The following MAPT variants were observed in gnomAD, a reference collection of about 807,000 sequenced individuals.
MAPT encodes microtubule associated protein tau.
A neutral mutation model predicts 67.9 loss-of-function variants in MAPT; 34 were observed. That is an observed-to-expected ratio of 0.50 (90% CI 0.38 to 0.67). The LOEUF (loss-of-function observed/expected upper bound fraction) is 0.67. MAPT is among the 30% of genes least tolerant of loss of function. The pLI is 0.00. For missense variants in MAPT, 881 were observed against 1,115.2 expected (o/e 0.79, Z 2.99); for synonymous variants, 456 against 464.5 (o/e 0.98, Z 0.23).
chr17:46,014,860 G>A (rs1212095396), intron 11 of MAPT, among the ~76,000 whole-genome samples: 1 of 143,004 alleles, frequency 7.0e-6, no homozygotes, highest in Non-Finnish European at 1.6e-5. Flanking sequence ...TCCAGCCTGG[G>A]CGACAGAGCG....
At chr17:45,997,569 C>T (rs536129506) in intron 9 of MAPT, among the ~76,000 whole-genome samples, 1 of 152,128 alleles carries the variant, frequency 6.6e-6, no homozygotes, top group Admixed American at 6.5e-5. Context: ...ACCAACCTGA[C>T]CAACAGGGTG....
chr17:45,924,735 A>G (rs1361922075), intron 1 of MAPT, among the ~76,000 whole-genome samples: 1 of 152,354 alleles, frequency 6.6e-6, no homozygotes, highest in Non-Finnish European at 1.5e-5. Flanking sequence ...AACTATCCCA[A>G]TGGCCTGACA....
In MAPT at chr17:46,013,753, T is replaced by C. The variant is rs1386368601; in HGVS notation, c.2092-490T>C. 2.0e-5 allele frequency among the ~76,000 whole-genome samples: 3 copies of C among 152,184 alleles called. No individual in the cohort carries two copies. The East Asian group carries it at 5.8e-4, about 29-fold the overall frequency. ...ATCGACCCTCACAGCGCCTCCCCTC[T>C]TTGAGGCCCAGCAGATACCCCACTC... On this transcript the variant is annotated intron_variant, in intron 10 of 12. Transcript: ENST00000262410.
intron 1 of MAPT, chr17:45,898,554 T>C (rs1296943945): frequency 6.6e-6 from 1 of 152,226 alleles, no homozygotes; most frequent in Non-Finnish European, 1.5e-5. Context: ...AGTCCATTTG[T>C]TGAAAATTTA....
intron 9 of MAPT, among the ~76,000 whole-genome samples, chr17:46,001,978 G>T (rs1473785515): frequency 6.6e-6 from 1 of 152,244 alleles, no homozygotes; most frequent in African/African-American, 2.4e-5. Flanking sequence ...CCCACCCGGA[G>T]TGCTGGGTGC....
intron 1 of MAPT, among the ~76,000 whole-genome samples, chr17:45,911,498 C>T (rs575631917): frequency 2.4e-4 from 37 of 152,032 alleles, no homozygotes; most frequent in African/African-American, 3.6e-4. Context: ...CAGTGGCTCA[C>T]GCCTGGAATC....
chr17:46,010,146 C>CT lies in MAPT; in HGVS notation c.1999-163dup, dbSNP rs1429594900. Among the ~76,000 whole-genome samples, 2 of 152,230 alleles carry CT rather than the reference C, an allele frequency of 1.3e-5. No homozygotes were observed. The highest frequency in any genetic ancestry group is 2.9e-5 in the Non-Finnish European group (2 of 68,044). ...TGGGATGTGACTCAACCTCCCGTCA[C>CT]TCCCCAGACTGCCTCTGCCAAGTCC... is the stretch of plus-strand genomic sequence containing the variant. On this transcript the variant is annotated intron_variant, in intron 9 of 12. Coordinates refer to ENST00000262410, the MANE Select transcript of MAPT (RefSeq NM_001377265.1). This position sits in a 1 kb window ranked among gnomAD's most constrained non-coding sequence, Gnocchi z 4.7.
At chr17:45,916,867 A>T (rs1232997605) in intron 1 of MAPT, among the ~76,000 whole-genome samples, 1 of 152,216 alleles carries the variant, frequency 6.6e-6, no homozygotes, top group Non-Finnish European at 1.5e-5. Context: ...AAGCTGGACT[A>T]GCACAGGTGT....
rs550481616 is a variant in MAPT at position 45,974,591 on chromosome 17, G to A, written c.220+2646G>A. 2.3e-4 allele frequency: 180 copies of A among 774,312 alleles called. No homozygotes were observed. The African/African-American group carries it at 2.8e-3, about 12-fold the overall frequency. 48.0% of individuals were successfully genotyped at this position (774,312 alleles called of 1,614,324 possible). A position where few individuals can be genotyped will look rare whatever the true frequency, so the allele number is the denominator to read the frequency against. Reference sequence around the variant, plus strand: ...CCTCCTGTGGGGCAGGAACATGGGTGGATTCTGGCTCCTGGGAATCTTGGG... The same window carrying A: ...CCTCCTGTGGGGCAGGAACATGGGTAGATTCTGGCTCCTGGGAATCTTGGG... On this transcript the variant is annotated intron_variant, in intron 3 of 12. Coordinates refer to ENST00000262410, the MANE Select transcript of MAPT (RefSeq NM_001377265.1).
At chr17:46,011,937 AG>A (rs2075845699) in intron 10 of MAPT, among the ~76,000 whole-genome samples, 2 of 152,090 alleles carry the variant, frequency 1.3e-5, no homozygotes, top group Admixed American at 1.3e-4. Flanking sequence ...CTTCCTCACC[AG>A]TGTCTGCTAA....
intron 1 of MAPT, among the ~76,000 whole-genome samples, chr17:45,927,739 G>A (rs1426141686): frequency 2.6e-5 from 4 of 151,962 alleles, no homozygotes; most frequent in Non-Finnish European, 4.4e-5. Flanking sequence ...GGTGACTCAC[G>A]CCTGTAATTC....
At position 45,897,779 on chromosome 17, in the gene MAPT, C is replaced by T. The variant is rs1257799943; in HGVS notation, c.-18+3093C>T. ...TGATGGGGGCTCCGACAGCGACTGC[C>T]TAGCTCACCCCTCTGCGTGCTCAGG... On this transcript the variant is annotated intron_variant, in intron 1 of 12. Transcript: ENST00000262410. The surrounding 1 kb of genome is among the most constrained non-coding windows in gnomAD (Gnocchi z 5.0). 1 of 150,570 alleles carries T rather than the reference C, an allele frequency of 6.6e-6. No homozygotes were observed. The highest frequency in any genetic ancestry group is 2.4e-5 in the African/African-American group (1 of 41,264). The allele number at this position is 150,570 out of a possible 1,614,324, so 9.3% of individuals were successfully genotyped here.
intron 1 of MAPT, among the ~76,000 whole-genome samples, chr17:45,912,590 G>C (rs2064873321): frequency 6.6e-6 from 1 of 152,184 alleles, no homozygotes. Context: ...TGACACCTTA[G>C]CTTCAACCTA....
chr17:45,950,848 A>T (rs1039350874), intron 1 of MAPT, among the ~76,000 whole-genome samples: 4 of 152,074 alleles, frequency 2.6e-5, no homozygotes, highest in African/African-American at 9.7e-5. Context: ...TTTTTAGTAG[A>T]GACGGGGTTT....
At chr17:46,018,754 A>T (rs770085985) in intron 12 of MAPT, 24 bp downstream of exon 12, 2 of 1,533,314 alleles carry the variant, frequency 1.3e-6, no homozygotes, top group Admixed American at 3.3e-5. Context: ...GGTGGGTTGG[A>T]TGCTGCCCTT....
chr17:45,938,233 T>G (rs1251840413), intron 1 of MAPT, among the ~76,000 whole-genome samples: 8 of 152,244 alleles, frequency 5.3e-5, no homozygotes, highest in Non-Finnish European at 1.0e-4. Flanking sequence ...TTGGCAAGGT[T>G]GCGGTCCTTT....
At chr17:46,001,817 C>A (rs941022748) in intron 9 of MAPT, among the ~76,000 whole-genome samples, 3 of 152,212 alleles carry the variant, frequency 2.0e-5, no homozygotes, top group African/African-American at 4.8e-5. Flanking sequence ...AGCAGAGAAA[C>A]AGGGCCAGTC....
intron 1 of MAPT, among the ~76,000 whole-genome samples, chr17:45,903,755 A>G (rs1249756333): frequency 1.3e-5 from 1 of 79,604 alleles, no homozygotes; most frequent in Admixed American, 2.1e-4. Flanking sequence ...TTTTATATAT[A>G]TTTTTTTTAT....
chr17:46,024,777 G>A lies in MAPT; in HGVS notation c.*606G>A, dbSNP rs1011774405. 3.3e-5 allele frequency: 6 copies of A among 180,356 alleles called. No individual in the cohort carries two copies. Among genetic ancestry groups the A allele is most frequent in the African/African-American group, 9.5e-5 (4 of 41,976 alleles). The allele number at this position is 180,356 out of a possible 1,614,324, so 11.2% of individuals were successfully genotyped here. A position where few individuals can be genotyped will look rare whatever the true frequency, so the allele number is the denominator to read the frequency against. Reference sequence around the variant, plus strand: ...AAGTGGGAGTGGGAGAGGAAGCCACGTGCTGGAGAGTAGACATCCCCCTCC... The same window carrying A: ...AAGTGGGAGTGGGAGAGGAAGCCACATGCTGGAGAGTAGACATCCCCCTCC... On this transcript the variant is annotated 3_prime_UTR_variant, in exon 13 of 13. Coordinates refer to ENST00000262410, the MANE Select transcript of MAPT (RefSeq NM_001377265.1).
Sources: gnomAD v4.1 joint callset for allele counts (sites outside exome capture counted in the v4.1 genomes callset) on GRCh38, gnomAD v4.1.1 for gene constraint, Gnocchi (gnomAD v3.1) non-coding constraint, MANE v1.5 for transcripts, NCBI Gene and HGNC (gene_info 2026-07-23, HGNC 2026-07-21) for gene names.